GPM6A: variants seen among roughly 807,000 people sequenced by gnomAD.
GPM6A encodes glycoprotein M6A.
Under a neutral mutation model 32.1 loss-of-function variants are expected in GPM6A, and 7 were observed. That is an observed-to-expected ratio of 0.22 (90% CI 0.12 to 0.41). The LOEUF (loss-of-function observed/expected upper bound fraction) is 0.41, where lower values mean the gene tolerates loss of function less well. GPM6A is among the 10% of genes least tolerant of loss of function. GPM6A has a pLI of 1.00. For synonymous variants in GPM6A, 130 were observed against 123.4 expected (o/e 1.05, Z -0.35); for missense variants, 235 against 347.2 (o/e 0.68, Z 2.57).
chr4:175,981,577 T>C (rs1740816603), intron 1 of GPM6A, among the ~76,000 whole-genome samples: 1 of 152,192 alleles, frequency 6.6e-6, no homozygotes, highest in South Asian at 2.1e-4. Flanking sequence ...CTTCATTCTT[T>C]ACTGCTGAGT....
intron 1 of GPM6A, among the ~76,000 whole-genome samples, chr4:175,721,052 ATG>A (rs1340228278): frequency 1.6e-5 from 2 of 126,304 alleles, no homozygotes; most frequent in East Asian, 4.3e-4. Context: ...ATATATATAT[ATG>A]TACTAGTATA....
At chr4:175,720,301 A>G (rs1013444025) in intron 1 of GPM6A, among the ~76,000 whole-genome samples, 1 of 152,158 alleles carries the variant, frequency 6.6e-6, no homozygotes, top group Non-Finnish European at 1.5e-5. Flanking sequence ...CACTTCACAT[A>G]AATCTTTTTA....
chr4:175,679,004 A>G (rs1197635180), intron 2 of GPM6A, among the ~76,000 whole-genome samples: 3 of 152,152 alleles, frequency 2.0e-5, no homozygotes, highest in Non-Finnish European at 4.4e-5. Context: ...TATTGACCTC[A>G]GGAAATATAT....
chr4:175,883,154 T>G (rs936160159), intron 1 of GPM6A, among the ~76,000 whole-genome samples: 1 of 152,076 alleles, frequency 6.6e-6, no homozygotes, highest in African/African-American at 2.4e-5. Flanking sequence ...AGTAAGCTAA[T>G]GGGAAACTAC....
At chr4:175,776,750 T>A (rs915608583) in intron 1 of GPM6A, among the ~76,000 whole-genome samples, 1 of 152,196 alleles carries the variant, frequency 6.6e-6, no homozygotes, top group Non-Finnish European at 1.5e-5. Context: ...ACCCCCACCA[T>A]GATTTTTGAA....
At chr4:175,719,798 T>G (rs780888356) in intron 1 of GPM6A, among the ~76,000 whole-genome samples, 12 of 152,160 alleles carry the variant, frequency 7.9e-5, no homozygotes, top group Non-Finnish European at 1.8e-4. Flanking sequence ...TTTAAAAAGC[T>G]AAAACGTATT....
intron 4 of GPM6A, among the ~76,000 whole-genome samples, chr4:175,648,002 G>A (rs1269753063): frequency 6.6e-6 from 1 of 151,834 alleles, no homozygotes; most frequent in East Asian, 1.9e-4. Context: ...AGGTACCTTT[G>A]GATAAATATT....
intron 1 of GPM6A, among the ~76,000 whole-genome samples, chr4:175,986,277 G>C (rs541791447): frequency 1.3e-5 from 2 of 152,110 alleles, no homozygotes; most frequent in South Asian, 4.1e-4. Context: ...CCTCATGCTT[G>C]TAATTCCAGC....
intron 1 of GPM6A, among the ~76,000 whole-genome samples, chr4:175,888,372 G>A (rs1247369746): frequency 6.6e-6 from 1 of 151,890 alleles, no homozygotes; most frequent in East Asian, 1.9e-4. Context: ...TAAATCATAA[G>A]AAGCATTTCC....
intron 6 of GPM6A, among the ~76,000 whole-genome samples, chr4:175,638,084 C>G (rs72702630): frequency 0.039 from 5,837 of 149,654 alleles, 152 homozygotes; most frequent in Non-Finnish European, 0.056. Context: ...AGTCGATTTA[C>G]TTTGTCAGCA....
intron 1 of GPM6A, among the ~76,000 whole-genome samples, chr4:175,705,496 T>A (rs1745128227): frequency 1.3e-5 from 2 of 152,164 alleles, no homozygotes; most frequent in Admixed American, 1.3e-4. Context: ...CCTATTCGTT[T>A]TAAAAGAAGA....
chr4:175,887,549 A>G (rs145591296), intron 1 of GPM6A, among the ~76,000 whole-genome samples: 31 of 152,050 alleles, frequency 2.0e-4, no homozygotes, highest in African/African-American at 7.0e-4. Context: ...AAAGATGAAA[A>G]GAGTAATTAA....
At chr4:175,782,769 T>C (rs1029830078) in intron 1 of GPM6A, among the ~76,000 whole-genome samples, 1 of 152,094 alleles carries the variant, frequency 6.6e-6, no homozygotes, top group African/African-American at 2.4e-5. Context: ...TATTAATAAA[T>C]AAATGTCAAA....
At chr4:175,728,265 C>A (rs1413518943) in intron 1 of GPM6A, among the ~76,000 whole-genome samples, 2 of 152,014 alleles carry the variant, frequency 1.3e-5, no homozygotes, top group Non-Finnish European at 2.9e-5. Flanking sequence ...ACAATGAAGT[C>A]TTTTCCCTTA....
chr4:175,974,859 T>A (rs1213159925), intron 1 of GPM6A, among the ~76,000 whole-genome samples: 1 of 152,074 alleles, frequency 6.6e-6, no homozygotes, highest in Non-Finnish European at 1.5e-5. Context: ...ATTTTGGTAT[T>A]TTTTGTAGAG....
Position 175,941,403 on chromosome 4 carries a change from ATTATACTTTAAGTTCTG to A in GPM6A, c.-23+60889_-23+60905del, listed in dbSNP as rs564268993. The stretch of plus-strand genomic sequence containing the variant: ...GAAGCTTATTTTCTTTTTTAAAAAA[ATTATACTTTAAGTTCTG>A]TGATACATGTGTAGAACATGCAGGT... On this transcript the variant is annotated intron_variant, in intron 1 of 7. Transcript: ENST00000280187. Among the ~76,000 whole-genome samples, 579 of 152,292 alleles carry A rather than the reference ATTATACTTTAAGTTCTG, an allele frequency of 3.8e-3. 6 individuals are homozygous for A. The highest frequency in any genetic ancestry group is 0.013 in the African/African-American group (560 of 41,554).
chr4:175,748,100 G>A (rs534777944), intron 1 of GPM6A, among the ~76,000 whole-genome samples: 5 of 152,160 alleles, frequency 3.3e-5, no homozygotes, highest in Non-Finnish European at 7.4e-5. Context: ...TAGTTCTCTT[G>A]TTCTTTCCTC....
intron 1 of GPM6A, among the ~76,000 whole-genome samples, chr4:175,771,961 T>C (rs559734209): frequency 6.6e-6 from 1 of 152,208 alleles, no homozygotes; most frequent in Non-Finnish European, 1.5e-5. Flanking sequence ...TAATTTTTCT[T>C]GATACGAGAG....
At chr4:175,860,535 A>G (rs1736543242) in intron 1 of GPM6A, among the ~76,000 whole-genome samples, 1 of 152,222 alleles carries the variant, frequency 6.6e-6, no homozygotes, top group Non-Finnish European at 1.5e-5. Context: ...TATTTGTTAG[A>G]GAAATTGAAT....
Sources: gnomAD v4.1 joint callset for allele counts (sites outside exome capture counted in the v4.1 genomes callset) on GRCh38, gnomAD v4.1.1 for gene constraint, MANE v1.5 for transcripts, NCBI Gene and HGNC (gene_info 2026-07-23, HGNC 2026-07-21) for gene names.